The following PCDHA3 variants were observed in gnomAD, a reference collection of about 807,000 sequenced individuals.
The protein encoded by PCDHA3 is protocadherin alpha-3.
In PCDHA3, 41 loss-of-function variants were observed where a neutral mutation model predicts 62.2. The observed-to-expected ratio is 0.66, with a 90% confidence interval of 0.51 to 0.86. PCDHA3 has a LOEUF of 0.86. Ranked by LOEUF, PCDHA3 falls within the 40% of genes least tolerant of loss-of-function variation. The probability of loss-of-function intolerance (pLI) is 0.00; values close to 1 mark genes in which losing one functional copy is unlikely to be tolerated. For synonymous variants in PCDHA3, 640 were observed against 555.4 expected (o/e 1.15, Z -2.14); for missense variants, 1,304 against 1,241.2 (o/e 1.05, Z -0.76).
chr5:140,953,778 A>AT, intron 1 of PCDHA3, among the ~76,000 whole-genome samples: 1 of 152,106 alleles, frequency 6.6e-6, no homozygotes, highest in South Asian at 2.1e-4. Context: ...ATATTTATTT[A>AT]TTTTTTTCTT....
At chr5:140,851,863 T>C in intron 1 of PCDHA3, 1 of 976,024 alleles carries the variant, frequency 1.0e-6, no homozygotes, top group Non-Finnish European at 1.2e-6. Flanking sequence ...AGCTCATACA[T>C]AACACAAGGC....
At chr5:140,822,234 A>T (rs2150114791) in intron 1 of PCDHA3, 1 of 1,614,268 alleles carries the variant, frequency 6.2e-7, no homozygotes, top group East Asian at 2.2e-5. Context: ...GGTTTCCGCT[A>T]GAGGGCGCGT....
At chr5:140,841,819 C>G (rs781814200) in intron 1 of PCDHA3, 3 of 1,613,874 alleles carry the variant, frequency 1.9e-6, no homozygotes, top group Non-Finnish European at 2.5e-6. Flanking sequence ...GAGCTAACTC[C>G]GTGTTAACCT....
At chr5:140,944,413 C>T (rs892243235) in intron 1 of PCDHA3, among the ~76,000 whole-genome samples, 3 of 152,292 alleles carry the variant, frequency 2.0e-5, no homozygotes, top group African/African-American at 7.2e-5. Context: ...TCTCGAACTC[C>T]TGATCTGAAG....
At chr5:140,856,925 T>G in intron 1 of PCDHA3, 1 of 1,595,180 alleles carries the variant, frequency 6.3e-7, no homozygotes, top group Non-Finnish European at 8.6e-7. Flanking sequence ...AAGGAAATTT[T>G]GGATAAACGA....
chr5:140,913,164 T>C (rs1211762965), intron 1 of PCDHA3, among the ~76,000 whole-genome samples: 1 of 152,208 alleles, frequency 6.6e-6, no homozygotes, highest in Non-Finnish European at 1.5e-5. Flanking sequence ...GGATTGGTAT[T>C]AGTTCTTCTT....
chr5:140,906,804 C>T (rs1254520665), intron 1 of PCDHA3, among the ~76,000 whole-genome samples: 3 of 152,224 alleles, frequency 2.0e-5, no homozygotes, highest in Non-Finnish European at 4.4e-5. Context: ...CATACTCTTC[C>T]TTACCTCCAC....
intron 1 of PCDHA3, chr5:140,836,467 A>C (rs1271601760): frequency 6.2e-7 from 1 of 1,613,688 alleles, no homozygotes; most frequent in Non-Finnish European, 8.5e-7. Context: ...GAGCTGGTGG[A>C]TGTCAACGTG....
chr5:140,967,641 T>C (rs2096165933), intron 1 of PCDHA3: 1 of 1,614,004 alleles, frequency 6.2e-7, no homozygotes, highest in East Asian at 2.2e-5. Context: ...AATGGTGAGC[T>C]CAGGTACTCC....
At position 140,801,616 on chromosome 5, in the gene PCDHA3, T is replaced by C; in HGVS notation, c.419T>C (p.Leu140Pro). Reference sequence around the variant, plus strand: ...GTTTTTCCAATGGCTGTAAAGAATCTGTTTATTTCCGAATCCCGACAGCCT... The same window carrying C: ...GTTTTTCCAATGGCTGTAAAGAATCCGTTTATTTCCGAATCCCGACAGCCT... Reference protein sequence around the residue: ...APVFPMAVKNLFISESRQPGS... With the variant: ...APVFPMAVKNPFISESRQPGS... The change falls in exon 1 of 4, where the codon CTG (leucine) becomes CCG (proline). Residue 140 changes from leucine (L) to proline (P), a missense_variant. By Grantham distance (98) the Leu-to-Pro change is moderately conservative. Transcript: ENST00000522353. 6.2e-7 allele frequency: 1 copy of C among 1,614,082 alleles called. No individual in the cohort carries two copies. The highest frequency in any genetic ancestry group is 8.5e-7 in the Non-Finnish European group (1 of 1,180,010).
intron 1 of PCDHA3, chr5:140,809,787 G>T: frequency 2.1e-6 from 1 of 480,742 alleles, no homozygotes. Context: ...CATATTAACA[G>T]AACTGTAATT....
chr5:140,802,539 G>A lies in PCDHA3; in HGVS notation c.1342G>A (p.Val448Met), dbSNP rs782192647. 6.2e-7 allele frequency: 1 copy of A among 1,614,188 alleles called. No homozygotes were observed. Among genetic ancestry groups the A allele is most frequent in the Non-Finnish European group, 8.5e-7 (1 of 1,180,032 alleles). The change falls in exon 1 of 4, where the codon GTG becomes ATG. Residue 448 changes from valine to methionine, a missense_variant. Val to Met is a conservative substitution (Grantham distance 21). Transcript: ENST00000522353. ...CAGCGTGTCCGTGGAGGTGGCCGACGTGAACGACAATGCGCCGGCATTCTC... is the reference window on the plus strand; with the variant it reads ...CAGCGTGTCCGTGGAGGTGGCCGACATGAACGACAATGCGCCGGCATTCTC... ...TASVSVEVADVNDNAPAFSQS... is the reference protein window; with the variant it reads ...TASVSVEVADMNDNAPAFSQS...
At chr5:140,852,737 C>CGG in intron 1 of PCDHA3, 1 of 983,808 alleles carries the variant, frequency 1.0e-6, no homozygotes, top group Non-Finnish European at 1.2e-6. Context: ...GTTTCATGTG[C>CGG]CATTTAAACT....
chr5:140,836,649 C>T (rs2150266865), intron 1 of PCDHA3: 10 of 1,613,466 alleles, frequency 6.2e-6, no homozygotes, highest in Non-Finnish European at 8.5e-6. Flanking sequence ...GCAGAGGCGG[C>T]AGAGGGTGTG....
chr5:140,869,135 C>T, intron 1 of PCDHA3: 1 of 1,613,026 alleles, frequency 6.2e-7, no homozygotes. Flanking sequence ...GGATTGGGCA[C>T]CCCACGACTA....
In PCDHA3 at chr5:140,803,113, A is replaced by G; in HGVS notation, c.1916A>G (p.Glu639Gly). The G allele has an allele frequency of 6.2e-7, 1 of 1,613,838 alleles. No homozygotes were observed. The highest frequency in any genetic ancestry group is 8.5e-7 in the Non-Finnish European group (1 of 1,179,940). Residue 639 changes from glutamate (E) to glycine (G), a missense_variant, in exon 1 of 4, where the codon GAG becomes GGG. Transcript: ENST00000522353. ...GEISTTRALD[E>G]VDAPRHRLLV... ...ATCAGCACGACCCGTGCCCTGGACG[A>G]GGTGGACGCCCCGCGCCATCGCCTA...
At chr5:140,928,344 G>T (rs1554205800) in intron 1 of PCDHA3, 2 of 1,614,168 alleles carry the variant, frequency 1.2e-6, no homozygotes, top group East Asian at 2.2e-5. Flanking sequence ...CTTATGAGCT[G>T]TTGGATGTTA....
At position 140,974,381 on chromosome 5, in the gene PCDHA3, G is replaced by A. The variant is rs782006620; in HGVS notation, c.2395-4568G>A. 3.3e-5 allele frequency among the ~76,000 whole-genome samples: 5 copies of A among 152,272 alleles called. No homozygotes were observed. In the East Asian group the frequency reaches 7.7e-4, roughly 23 times the overall value. On this transcript the variant is annotated intron_variant, in intron 1 of 3. Transcript: ENST00000522353. ...AGACCTAGCACTTTCTGTTGTACTG[G>A]AACCCATTAGGTATGTTCTAAAGTT...
chr5:140,834,297 C>A, intron 1 of PCDHA3: 1 of 1,251,394 alleles, frequency 8.0e-7, no homozygotes, highest in Non-Finnish European at 1.1e-6. Context: ...AATGGCCACA[C>A]ATCGAGATTG....
Sources: gnomAD v4.1 joint callset for allele counts (sites outside exome capture counted in the v4.1 genomes callset) on GRCh38, gnomAD v4.1.1 for gene constraint, MANE v1.5 for transcripts, NCBI Gene and HGNC (gene_info 2026-07-23, HGNC 2026-07-21) for gene names.